NKAIN2: variants seen among roughly 807,000 people sequenced by gnomAD.
The protein encoded by NKAIN2 is sodium/potassium transporting ATPase interacting 2.
A neutral mutation model predicts 32.6 loss-of-function variants in NKAIN2; 14 were observed. The ratio of observed to expected loss-of-function variants is 0.43; its 90% CI spans 0.28 to 0.67. The LOEUF (loss-of-function observed/expected upper bound fraction) is 0.67. Ranked by LOEUF, NKAIN2 falls within the 30% of genes least tolerant of loss-of-function variation. The pLI, the probability that NKAIN2 is intolerant of heterozygous loss-of-function variation, is 0.17. For synonymous variants in NKAIN2, 80 were observed against 87.2 expected (o/e 0.92, Z 0.46); for missense variants, 198 against 258.3 (o/e 0.77, Z 1.60).
chr6:123,944,560 A>C (rs554615636), intron 1 of NKAIN2, among the ~76,000 whole-genome samples: 1 of 152,202 alleles, frequency 6.6e-6, no homozygotes, highest in East Asian at 1.9e-4. Flanking sequence ...TATCATCCAG[A>C]TAATTGTAGC....
intron 1 of NKAIN2, among the ~76,000 whole-genome samples, chr6:123,833,337 G>A (rs979338510): frequency 6.6e-5 from 10 of 152,008 alleles, no homozygotes; most frequent in Non-Finnish European, 1.3e-4. Flanking sequence ...TTTGATGATT[G>A]TAGCTTTATG....
At chr6:124,190,541 C>A (rs78962411) in intron 1 of NKAIN2, among the ~76,000 whole-genome samples, 1 of 152,180 alleles carries the variant, frequency 6.6e-6, no homozygotes, top group Admixed American at 6.5e-5. Flanking sequence ...TGTTCTTTTA[C>A]AGTGGCTCTA....
intron 3 of NKAIN2, among the ~76,000 whole-genome samples, chr6:124,447,359 A>C (rs1195589314): frequency 6.6e-6 from 1 of 152,164 alleles, no homozygotes; most frequent in Non-Finnish European, 1.5e-5. Flanking sequence ...AATAAAAATA[A>C]ATTTTTAAGG....
At chr6:124,681,817 T>G (rs1773635330) in intron 4 of NKAIN2, among the ~76,000 whole-genome samples, 1 of 152,068 alleles carries the variant, frequency 6.6e-6, no homozygotes, top group African/African-American at 2.4e-5. Flanking sequence ...TCTATCCTTC[T>G]AAGCACCCTC....
chr6:124,708,685 T>A (rs1258630114), intron 4 of NKAIN2, among the ~76,000 whole-genome samples: 1 of 152,102 alleles, frequency 6.6e-6, no homozygotes, highest in East Asian at 1.9e-4. Flanking sequence ...TGTACATTGA[T>A]TTTGTATCCT....
chr6:124,338,107 A>G (rs1797957591), intron 2 of NKAIN2, among the ~76,000 whole-genome samples: 1 of 152,218 alleles, frequency 6.6e-6, no homozygotes, highest in Admixed American at 6.5e-5. Flanking sequence ...ACTTTTAGCT[A>G]TCCCAGGATA....
intron 3 of NKAIN2, among the ~76,000 whole-genome samples, chr6:124,540,078 T>C (rs1779856552): frequency 6.6e-6 from 1 of 152,244 alleles, no homozygotes; most frequent in Admixed American, 6.5e-5. Flanking sequence ...ATGCTTAGTG[T>C]CTTCTGTAGC....
chr6:124,067,005 C>G (rs1783220116), intron 1 of NKAIN2, among the ~76,000 whole-genome samples: 1 of 152,078 alleles, frequency 6.6e-6, no homozygotes, highest in Admixed American at 6.6e-5. Flanking sequence ...AGAATATCCT[C>G]TCTTTGGCTG....
chr6:124,643,727 T>G (rs1784071347), intron 3 of NKAIN2, among the ~76,000 whole-genome samples: 1 of 152,220 alleles, frequency 6.6e-6, no homozygotes, highest in South Asian at 2.1e-4. Context: ...TCTAGCCTTT[T>G]AGTAACCACA....
intron 4 of NKAIN2, among the ~76,000 whole-genome samples, chr6:124,687,463 TAC>T (rs148875835): frequency 0.022 from 1,915 of 85,112 alleles, 110 homozygotes; most frequent in African/African-American, 0.039. Flanking sequence ...ATTCCATATA[TAC>T]ACATACATGG....
chr6:124,578,830 C>G (rs1781424063), intron 3 of NKAIN2, among the ~76,000 whole-genome samples: 1 of 151,926 alleles, frequency 6.6e-6, no homozygotes, highest in African/African-American at 2.4e-5. Flanking sequence ...TTTTGTCACC[C>G]CTCCCCCAGC....
intron 4 of NKAIN2, among the ~76,000 whole-genome samples, chr6:124,704,238 T>C (rs964612256): frequency 3.3e-5 from 5 of 152,120 alleles, no homozygotes; most frequent in African/African-American, 1.2e-4. Context: ...TAAACATTTC[T>C]TGAAACAATA....
At chr6:123,984,815 T>C (rs1216274495) in intron 1 of NKAIN2, among the ~76,000 whole-genome samples, 1 of 152,146 alleles carries the variant, frequency 6.6e-6, no homozygotes, top group Non-Finnish European at 1.5e-5. Flanking sequence ...ACATAGCAGT[T>C]GAGACATGTA....
intron 3 of NKAIN2, among the ~76,000 whole-genome samples, chr6:124,540,304 A>T (rs1007717167): frequency 2.6e-5 from 4 of 152,268 alleles, no homozygotes; most frequent in South Asian, 2.1e-4. Flanking sequence ...ATAGGAAATT[A>T]AAAAATTCAA....
chr6:124,272,350 G>A (rs1794832070), intron 1 of NKAIN2, among the ~76,000 whole-genome samples: 2 of 152,170 alleles, frequency 1.3e-5, no homozygotes, highest in African/African-American at 4.8e-5. Context: ...TCCAGCCATG[G>A]CTAAAAGGGA....
intron 3 of NKAIN2, among the ~76,000 whole-genome samples, chr6:124,544,458 G>A (rs1213982000): frequency 6.6e-6 from 1 of 152,020 alleles, no homozygotes; most frequent in African/African-American, 2.4e-5. Flanking sequence ...GAAACTGGAA[G>A]CAACAGCAAT....
chr6:124,655,821 T>C (rs1276247335), intron 3 of NKAIN2, among the ~76,000 whole-genome samples: 1 of 152,204 alleles, frequency 6.6e-6, no homozygotes, highest in Admixed American at 6.5e-5. Flanking sequence ...ATAATGCAAA[T>C]AACCAAGTTC....
At chr6:124,476,397 C>CTGTGTGTG (rs56691516) in intron 3 of NKAIN2, among the ~76,000 whole-genome samples, 12 of 138,038 alleles carry the variant, frequency 8.7e-5, no homozygotes, top group Middle Eastern at 3.8e-3. Context: ...ATGTATGTGA[C>CTGTGTGTG]TGTGTGTGTG....
chr6:124,798,063 TTATCTATCTATCTATCTATCTATC>T (rs35465154), intron 5 of NKAIN2, among the ~76,000 whole-genome samples: 1 of 148,488 alleles, frequency 6.7e-6, no homozygotes, highest in Admixed American at 6.8e-5. Context: ...TATCTATCTA[TTATCTATCTATCTATCTATCTATC>T]TATCTATCTA....
Sources: allele counts gnomAD v4.1 joint callset (sites outside exome capture counted in the v4.1 genomes callset), GRCh38; gene constraint gnomAD v4.1.1; transcripts MANE v1.5; gene names NCBI Gene and HGNC (gene_info 2026-07-23, HGNC 2026-07-21).